The following PPP4R1 variants were observed in gnomAD, a reference collection of about 807,000 sequenced individuals.
PPP4R1 encodes protein phosphatase 4 regulatory subunit 1.
Under a neutral mutation model 111.2 loss-of-function variants are expected in PPP4R1, and 42 were observed. That is an observed-to-expected ratio of 0.38 (90% CI 0.29 to 0.49). PPP4R1 has a LOEUF of 0.49. Among genes scored for constraint, PPP4R1 ranks in the 20% least tolerant of loss-of-function variants. The pLI is 0.97. For missense variants in PPP4R1, 1,012 were observed against 1,161.6 expected (o/e 0.87, Z 1.87); for synonymous variants, 409 against 405.5 (o/e 1.01, Z -0.10).
chr18:9,557,483 C>A (rs902225663), intron 14 of PPP4R1, 101 bp from the exon 15 acceptor site: 3 of 1,081,142 alleles, frequency 2.8e-6, no homozygotes, highest in African/African-American at 1.7e-5. Flanking sequence ...ATGTTACTAA[C>A]CTCAAAAAAT....
intron 2 of PPP4R1, chr18:9,613,868 C>G (rs2145386200): frequency 6.0e-6 from 1 of 166,166 alleles, no homozygotes; most frequent in Admixed American, 6.4e-5. Context: ...AAGGGGACAC[C>G]AGGGGCAGAA....
intron 4 of PPP4R1, among the ~76,000 whole-genome samples, chr18:9,590,787 G>A (rs549089539): frequency 6.6e-6 from 1 of 151,950 alleles, no homozygotes; most frequent in Non-Finnish European, 1.5e-5. Context: ...AAACAATAAG[G>A]CTTCTCTGTG....
Position 9,559,406 on chromosome 18 carries a change from C to G in PPP4R1, c.2028+13G>C. On this transcript the variant is annotated intron_variant, in intron 14 of 19. Transcript: ENST00000400556. ...CATGCACGTTCTGCTAATTCTTTAACTGCTTTACTCACCTGCATGTCTGAG... is the reference window on the plus strand; with the variant it reads ...CATGCACGTTCTGCTAATTCTTTAAGTGCTTTACTCACCTGCATGTCTGAG... 1 of 1,592,898 alleles carries G rather than the reference C, an allele frequency of 6.3e-7. No individual in the cohort carries two copies. Among genetic ancestry groups the G allele is most frequent in the Non-Finnish European group, 8.6e-7 (1 of 1,168,288 alleles).
intron 19 of PPP4R1, among the ~76,000 whole-genome samples, chr18:9,548,786 C>T (rs1247355752): frequency 6.6e-6 from 1 of 152,070 alleles, no homozygotes; most frequent in Non-Finnish European, 1.5e-5. Flanking sequence ...GGCGTGGTGG[C>T]GGGCACCTGT....
At position 9,593,830 on chromosome 18, in the gene PPP4R1, C is replaced by T. The variant is rs2145251172; in HGVS notation, c.233G>A (p.Cys78Tyr). 6.2e-7 allele frequency: 1 copy of T among 1,613,868 alleles called. No individual in the cohort carries two copies. The highest frequency in any genetic ancestry group is 8.5e-7 in the Non-Finnish European group (1 of 1,179,906). ...RSLLDTLREV[C>Y]DDERDCIAVL... ...AGCAATACAATCTCTTTCATCATCG[C>T]AGACTTCCCTCAAGGTATCGAGCAA... Residue 78 changes from cysteine (C) to tyrosine (Y), a missense_variant, in exon 4 of 20, where the codon TGC becomes TAC. Physicochemically the swap from Cys to Tyr is radical, Grantham distance 194 (BLOSUM62 -2). Coordinates refer to ENST00000400556, the MANE Select transcript of PPP4R1 (RefSeq NM_001042388.3).
intron 4 of PPP4R1, 73 bp from the exon 5 acceptor site, chr18:9,588,926 A>T: frequency 6.5e-7 from 1 of 1,534,932 alleles, no homozygotes; most frequent in Non-Finnish European, 8.8e-7. Flanking sequence ...TCTTGAGGGT[A>T]CTTAGGAAGG....
At chr18:9,617,078 A>G (rs1204551369), upstream of PPP4R1, 1 of 152,204 alleles carries the variant, frequency 6.6e-6, no homozygotes, top group African/African-American at 2.4e-5. Flanking sequence ...TCTTCTAAGA[A>G]ATAATATTTA....
chr18:9,594,819 G>T (rs1459580206), intron 3 of PPP4R1, 199 bp downstream of exon 3: 9 of 487,680 alleles, frequency 1.8e-5, no homozygotes, highest in Non-Finnish European at 2.7e-5. Context: ...TTTTTGCAAA[G>T]AAAGCATGTT....
intron 15 of PPP4R1, among the ~76,000 whole-genome samples, chr18:9,554,763 A>C (rs1033183385): frequency 6.6e-6 from 1 of 152,220 alleles, no homozygotes; most frequent in African/African-American, 2.4e-5. Context: ...GGGACAGGGA[A>C]AGGGAAAGTT....
chr18:9,587,644 G>A (rs1238114912), intron 6 of PPP4R1: 2 of 153,250 alleles, frequency 1.3e-5, no homozygotes, highest in South Asian at 2.0e-4. Context: ...GGTCTCAAGT[G>A]ATCCTCCCAC....
intron 2 of PPP4R1, among the ~76,000 whole-genome samples, chr18:9,609,138 T>C (rs2145355395): frequency 6.6e-6 from 1 of 152,300 alleles, no homozygotes; most frequent in Non-Finnish European, 1.5e-5. Context: ...TGGGTACCAC[T>C]GAAACCATTT....
intron 16 of PPP4R1, 162 bp from the exon 17 acceptor site, chr18:9,550,560 AGTCTCTGTG>A: frequency 1.3e-6 from 1 of 741,414 alleles, no homozygotes; most frequent in Non-Finnish European, 2.2e-6. Flanking sequence ...AGTTACCTCC[AGTCTCTGTG>A]TATCTGGAAA....
intron 2 of PPP4R1, chr18:9,613,944 C>T: frequency 8.3e-6 from 2 of 241,252 alleles, no homozygotes; most frequent in Non-Finnish European, 1.6e-5. Context: ...CGCGCCACTG[C>T]TGAGCCCGCA....
chr18:9,570,087 A>C, intron 11 of PPP4R1, 70 bp downstream of exon 11: 1 of 1,452,524 alleles, frequency 6.9e-7, no homozygotes, highest in Admixed American at 2.5e-5. Flanking sequence ...TTCTGAAATG[A>C]AATTTTTTTA....
At chr18:9,554,584 C>T (rs1212076571) in intron 15 of PPP4R1, among the ~76,000 whole-genome samples, 1 of 151,884 alleles carries the variant, frequency 6.6e-6, no homozygotes, top group Non-Finnish European at 1.5e-5. Flanking sequence ...AAAAGCATCA[C>T]ACCTCCTAGC....
intron 3 of PPP4R1, 22 bp from the exon 4 acceptor site, chr18:9,593,896 A>G (rs2067251358): frequency 1.1e-5 from 18 of 1,574,560 alleles, no homozygotes; most frequent in Middle Eastern, 3.3e-4. Flanking sequence ...AAACAAAATT[A>G]TGTATGTTCA....
At chr18:9,584,951 T>C in intron 6 of PPP4R1, 123 bp from the exon 7 acceptor site, 1 of 701,950 alleles carries the variant, frequency 1.4e-6, no homozygotes, top group East Asian at 2.8e-5. Context: ...TTATACTATA[T>C]ACATGACAGA....
chr18:9,594,477 A>C (rs2067260797), intron 3 of PPP4R1, among the ~76,000 whole-genome samples: 1 of 152,198 alleles, frequency 6.6e-6, no homozygotes, highest in Non-Finnish European at 1.5e-5. Flanking sequence ...AAACACACTC[A>C]TTCATTATAC....
chr18:9,576,588 A>G (rs1485919392), intron 10 of PPP4R1, among the ~76,000 whole-genome samples: 7 of 152,162 alleles, frequency 4.6e-5, no homozygotes, highest in African/African-American at 1.7e-4. Context: ...TACAATCACC[A>G]TTGACAAAGA....
Sources: gnomAD v4.1 joint callset for allele counts (sites outside exome capture counted in the v4.1 genomes callset) on GRCh38, gnomAD v4.1.1 for gene constraint, MANE v1.5 for transcripts, NCBI Gene and HGNC (gene_info 2026-07-23, HGNC 2026-07-21) for gene names.